The following MGAT4C variants were observed in gnomAD, a reference collection of about 807,000 sequenced individuals.
MGAT4C encodes MGAT4 family member C, also known as alpha-1,3-mannosyl-glycoprotein 4-beta-N-acetylglucosaminyltransferase C.
A neutral mutation model predicts 40.1 loss-of-function variants in MGAT4C; 19 were observed. The ratio of observed to expected loss-of-function variants is 0.47; its 90% CI spans 0.33 to 0.70. The LOEUF is 0.70. Among genes scored for constraint, MGAT4C ranks in the 30% least tolerant of loss-of-function variants. The pLI, the probability that MGAT4C is intolerant of heterozygous loss-of-function variation, is 0.02. For synonymous variants in MGAT4C, 181 were observed against 187.1 expected (o/e 0.97, Z 0.27); for missense variants, 491 against 563.2 (o/e 0.87, Z 1.30).
At chr12:86,671,974 C>T (rs1964265144) in intron 2 of MGAT4C, among the ~76,000 whole-genome samples, 2 of 151,996 alleles carry the variant, frequency 1.3e-5, no homozygotes, top group African/African-American at 4.8e-5. Context: ...CCAATGGCTG[C>T]AGAATACACA....
chr12:86,603,786 A>C (rs1292760189), intron 2 of MGAT4C, among the ~76,000 whole-genome samples: 1 of 23,288 alleles, frequency 4.3e-5, no homozygotes, highest in Non-Finnish European at 1.5e-4. Context: ...ATACTATATA[A>C]TATATAGTAT....
intron 1 of MGAT4C, among the ~76,000 whole-genome samples, chr12:86,098,724 C>G (rs565336782): frequency 1.3e-5 from 2 of 151,678 alleles, no homozygotes; most frequent in South Asian, 4.1e-4. Context: ...TATGTGTGCA[C>G]ATACATAAAA....
In MGAT4C at chr12:86,566,043, C is replaced by T. The variant is rs191188679; in HGVS notation, c.-228-130778G>A. Among the ~76,000 whole-genome samples, 480 of 152,242 alleles carry T rather than the reference C, an allele frequency of 3.2e-3. 1 individual carries two copies. The highest frequency in any genetic ancestry group is 6.8e-3 in the Middle Eastern group (2 of 294). On this transcript the variant is annotated intron_variant, in intron 2 of 7. Coordinates refer to the MGAT4C transcript ENST00000548651. Reference sequence around the variant, plus strand: ...TTGGGGTGATCAGCCAGCTACTTGGCGACAAGTTGATTATATTGGATCTCT... The same window carrying T: ...TTGGGGTGATCAGCCAGCTACTTGGTGACAAGTTGATTATATTGGATCTCT...
chr12:86,696,955 C>G (rs1189034205), intron 2 of MGAT4C, among the ~76,000 whole-genome samples: 1 of 140,954 alleles, frequency 7.1e-6, no homozygotes, highest in Non-Finnish European at 1.6e-5. Flanking sequence ...AGTGCTCTCC[C>G]TCTGTCTTTC....
chr12:86,130,748 A>G (rs1881053491), intron 1 of MGAT4C, among the ~76,000 whole-genome samples: 1 of 152,004 alleles, frequency 6.6e-6, no homozygotes, highest in Non-Finnish European at 1.5e-5. Context: ...TGGATTCAAT[A>G]TTTATTTTAA....
chr12:86,833,508 T>C (rs539581942), intron 1 of MGAT4C, among the ~76,000 whole-genome samples: 6 of 151,982 alleles, frequency 3.9e-5, no homozygotes, highest in African/African-American at 9.6e-5. Flanking sequence ...TCTTGGCTTG[T>C]AGATGTCCGT....
intron 1 of MGAT4C, among the ~76,000 whole-genome samples, chr12:86,119,541 G>A (rs1879009047): frequency 6.6e-6 from 1 of 151,780 alleles, no homozygotes; most frequent in Non-Finnish European, 1.5e-5. Context: ...CAGAGTAGCT[G>A]GGATTACAGG....
chr12:86,621,666 A>G (rs770768788), intron 2 of MGAT4C, among the ~76,000 whole-genome samples: 4 of 151,970 alleles, frequency 2.6e-5, no homozygotes, highest in Non-Finnish European at 5.9e-5. Flanking sequence ...TTTTGTACAG[A>G]CAGGTCTCAC....
intron 2 of MGAT4C, among the ~76,000 whole-genome samples, chr12:86,585,234 T>A (rs1426452823): frequency 2.6e-5 from 4 of 151,476 alleles, no homozygotes; most frequent in African/African-American, 9.7e-5. Context: ...GCTTTTAGTA[T>A]TTCAAAATTA....
At chr12:86,477,388 A>G (rs980626895) in intron 2 of MGAT4C, among the ~76,000 whole-genome samples, 1 of 152,018 alleles carries the variant, frequency 6.6e-6, no homozygotes. Context: ...AAAGAGGACC[A>G]TAGTAGAAAC....
chr12:86,412,507 C>A (rs557736293), intron 3 of MGAT4C, among the ~76,000 whole-genome samples: 1 of 152,268 alleles, frequency 6.6e-6, no homozygotes, highest in East Asian at 1.9e-4. Flanking sequence ...TGCACAGGGC[C>A]TGTAGCCCCT....
At chr12:86,570,891 G>A (rs529522751) in intron 2 of MGAT4C, among the ~76,000 whole-genome samples, 24 of 152,128 alleles carry the variant, frequency 1.6e-4, no homozygotes, top group African/African-American at 3.9e-4. Flanking sequence ...TTGGCTCACC[G>A]CATCCTCCAA....
chr12:86,071,107 A>G (rs1198706851), intron 1 of MGAT4C, among the ~76,000 whole-genome samples: 1 of 152,088 alleles, frequency 6.6e-6, no homozygotes, highest in Admixed American at 6.6e-5. Flanking sequence ...GTAAAGCACA[A>G]AAAGAGTAGG....
chr12:86,438,297 T>C (rs1957171135), intron 2 of MGAT4C, among the ~76,000 whole-genome samples: 1 of 151,968 alleles, frequency 6.6e-6, no homozygotes, highest in South Asian at 2.1e-4. Context: ...TTATCTTTAA[T>C]TCTATGAAAG....
intron 1 of MGAT4C, among the ~76,000 whole-genome samples, chr12:86,822,180 A>G (rs957685058): frequency 6.6e-6 from 1 of 151,000 alleles, no homozygotes; most frequent in African/African-American, 2.4e-5. Context: ...CACATTAAAG[A>G]AAAAAATACA....
At chr12:86,439,170 A>T (rs2136276375) in intron 2 of MGAT4C, among the ~76,000 whole-genome samples, 1 of 152,138 alleles carries the variant, frequency 6.6e-6, no homozygotes, top group East Asian at 1.9e-4. Context: ...ACTGCAAAAT[A>T]TACATTATTC....
Position 86,038,324 on chromosome 12 carries a change from C to T in MGAT4C, c.-7+11350G>A, listed in dbSNP as rs1891444821. On this transcript the variant is annotated intron_variant, in intron 2 of 4. Transcript: ENST00000611864. ...CCTGAGCCCTGGACATTATGTCAGA[C>T]ATGCAAGCCCTGTCTCAGCTTTTTT... Among the ~76,000 whole-genome samples the T allele has an allele frequency of 2.7e-5, 4 of 149,530 alleles. 1 individual carries two copies. The Admixed American group carries it at 2.7e-4, about 10-fold the overall frequency.
intron 1 of MGAT4C, among the ~76,000 whole-genome samples, chr12:86,206,995 G>C (rs923586386): frequency 1.3e-5 from 2 of 151,868 alleles, no homozygotes; most frequent in African/African-American, 4.8e-5. Context: ...TTGAATTTTG[G>C]GTATTTAGTA....
chr12:86,774,471 A>G (rs1951718653), intron 1 of MGAT4C, among the ~76,000 whole-genome samples: 1 of 150,428 alleles, frequency 6.6e-6, no homozygotes, highest in Non-Finnish European at 1.5e-5. Context: ...AGATGAAAGG[A>G]AATCAGTTCA....
Sources: allele counts gnomAD v4.1 joint callset (sites outside exome capture counted in the v4.1 genomes callset), GRCh38; gene constraint gnomAD v4.1.1; transcripts MANE v1.5; gene names NCBI Gene and HGNC (gene_info 2026-07-23, HGNC 2026-07-21).